The following RPTOR variants were observed in gnomAD, a reference collection of about 807,000 sequenced individuals.
RPTOR encodes regulatory-associated protein of mTOR.
Under a neutral mutation model 169.9 loss-of-function variants are expected in RPTOR, and 21 were observed. That is an observed-to-expected ratio of 0.12 (90% CI 0.09 to 0.18). The LOEUF is 0.18. Ranked by LOEUF, RPTOR falls within the 10% of genes least tolerant of loss-of-function variation. The pLI is 1.00. For synonymous variants in RPTOR, 732 were observed against 753.2 expected (o/e 0.97, Z 0.46); for missense variants, 1,133 against 1,855.9 (o/e 0.61, Z 7.16).
At chr17:80,868,578 T>C (rs1006264278) in intron 13 of RPTOR, among the ~76,000 whole-genome samples, 1 of 152,216 alleles carries the variant, frequency 6.6e-6, no homozygotes, top group East Asian at 1.9e-4. Flanking sequence ...CAGTTTCTTA[T>C]AAAGATTAGC....
chr17:80,921,997 G>A (rs750114466), intron 21 of RPTOR, among the ~76,000 whole-genome samples: 6 of 152,154 alleles, frequency 3.9e-5, no homozygotes, highest in African/African-American at 9.7e-5. Flanking sequence ...TCCAGGCCCC[G>A]TCACAGTCCA....
At chr17:80,699,505 C>T (rs1165400185) in intron 3 of RPTOR, among the ~76,000 whole-genome samples, 5 of 133,310 alleles carry the variant, frequency 3.8e-5, no homozygotes, top group East Asian at 2.3e-4. Context: ...GTGCTGTGCA[C>T]GGTACCCTGG....
chr17:80,903,741 A>C (rs1223637353), intron 20 of RPTOR, among the ~76,000 whole-genome samples: 2 of 152,140 alleles, frequency 1.3e-5, no homozygotes, highest in Non-Finnish European at 2.9e-5. Context: ...GACCCCCAGT[A>C]GTGAGTTCCG....
At chr17:80,589,053 G>T (rs887835981) in intron 1 of RPTOR, among the ~76,000 whole-genome samples, 5 of 152,114 alleles carry the variant, frequency 3.3e-5, no homozygotes, top group African/African-American at 9.7e-5. Flanking sequence ...CCTAACGAGG[G>T]TGACTGCCAG....
chr17:80,867,834 A>G (rs1312220769), intron 13 of RPTOR, among the ~76,000 whole-genome samples: 1 of 152,252 alleles, frequency 6.6e-6, no homozygotes, highest in Non-Finnish European at 1.5e-5. Context: ...TGTACACCAA[A>G]ACTACAAACC....
At chr17:80,741,598 A>G (rs559306298) in intron 5 of RPTOR, among the ~76,000 whole-genome samples, 129 of 152,212 alleles carry the variant, frequency 8.5e-4, no homozygotes, top group African/African-American at 2.8e-3. Context: ...TGCTCAGGCA[A>G]TGTGGGGTGT....
chr17:80,834,203 C>A (rs562726920), intron 9 of RPTOR, among the ~76,000 whole-genome samples: 1 of 152,200 alleles, frequency 6.6e-6, no homozygotes, highest in East Asian at 1.9e-4. Context: ...GGGCCCAGGC[C>A]GAGCTGTGGC....
chr17:80,871,522 G>A (rs370586759), intron 13 of RPTOR, among the ~76,000 whole-genome samples: 8 of 152,244 alleles, frequency 5.3e-5, no homozygotes, highest in Middle Eastern at 3.4e-3. Flanking sequence ...GAGCAGACCC[G>A]GCTGAGGTCA....
chr17:80,931,755 C>A (rs1211314304), intron 24 of RPTOR, among the ~76,000 whole-genome samples: 3 of 152,212 alleles, frequency 2.0e-5, no homozygotes, highest in Non-Finnish European at 4.4e-5. Context: ...CACCCTGAGA[C>A]CCAGAGACAC....
At chr17:80,945,172 A>G (rs935641000) in intron 25 of RPTOR, among the ~76,000 whole-genome samples, 1 of 152,084 alleles carries the variant, frequency 6.6e-6, no homozygotes, top group African/African-American at 2.4e-5. Flanking sequence ...GTGCGCGCCT[A>G]TGTCCCCAGC....
intron 3 of RPTOR, among the ~76,000 whole-genome samples, chr17:80,692,313 T>TGTTAC (rs2065999943): frequency 1.3e-5 from 2 of 151,134 alleles, no homozygotes; most frequent in Non-Finnish European, 3.0e-5. Context: ...TGTTATGTTA[T>TGTTAC]GTTATGTTAT....
chr17:80,740,777 T>A (rs1347740264), intron 5 of RPTOR, among the ~76,000 whole-genome samples: 1 of 152,206 alleles, frequency 6.6e-6, no homozygotes, highest in Admixed American at 6.5e-5. Context: ...TTTGATTTTT[T>A]AAAAAATCTG....
In RPTOR at chr17:80,670,294, G is replaced by A. The variant is rs146314572; in HGVS notation, c.348+26484G>A. ...TCCACTTAGTCACCAGGTCCTACCC[G>A]TCCCTTGTCCGTGTCGGGAATTTGC... On this transcript the variant is annotated intron_variant, in intron 3 of 33. Coordinates refer to ENST00000306801, the MANE Select transcript of RPTOR (RefSeq NM_020761.3). Among the ~76,000 whole-genome samples, 33 of 152,194 alleles carry A rather than the reference G, an allele frequency of 2.2e-4. 1 individual carries two copies. The highest frequency in any genetic ancestry group is 5.9e-5 in the Non-Finnish European group (4 of 68,008).
At position 80,893,695 on chromosome 17, in the gene RPTOR, C is replaced by T. The variant is rs779102650; in HGVS notation, c.2243-12C>T. 3 of 1,606,922 alleles carry T rather than the reference C, an allele frequency of 1.9e-6. No individual in the cohort carries two copies. The highest frequency in any genetic ancestry group is 3.4e-5 in the Admixed American group (2 of 59,320). On this transcript the variant is annotated splice_polypyrimidine_tract_variant and intron_variant, in intron 19 of 33. Transcript: ENST00000306801. ...CGGGAGCACCCCACTGACCCCGTTGCGTCTCGGGCAGCTGGTGGCGCGGTG... is the reference window on the plus strand; with the variant it reads ...CGGGAGCACCCCACTGACCCCGTTGTGTCTCGGGCAGCTGGTGGCGCGGTG...
intron 7 of RPTOR, among the ~76,000 whole-genome samples, chr17:80,797,406 C>T (rs1263101851): frequency 6.6e-6 from 1 of 152,226 alleles, no homozygotes; most frequent in African/African-American, 2.4e-5. Flanking sequence ...CCTCGGTCTC[C>T]CAAAGTGCTG....
chr17:80,696,290 T>C (rs1213728275), intron 3 of RPTOR, among the ~76,000 whole-genome samples: 2 of 152,184 alleles, frequency 1.3e-5, no homozygotes, highest in Admixed American at 1.3e-4. Context: ...TTATGAAATA[T>C]TGAAAACATT....
chr17:80,883,859 G>A lies in RPTOR; in HGVS notation c.1729G>A (p.Val577Met), dbSNP rs1190646605. The A allele has an allele frequency of 1.2e-6, 2 of 1,613,640 alleles. No homozygotes were observed. The highest frequency in any genetic ancestry group is 1.7e-6 in the Non-Finnish European group (2 of 1,180,038). Residue 577 changes from valine (V) to methionine (M), a missense_variant, in exon 16 of 34, where the codon GTG becomes ATG. Val to Met is a conservative substitution (Grantham distance 21). Transcript: ENST00000306801. ...CCCGCACCCCTTGCTGCGCCAGTGGGTGGCCATCTGCCTCGGCAGGATCTG... is the reference window on the plus strand; with the variant it reads ...CCCGCACCCCTTGCTGCGCCAGTGGATGGCCATCTGCCTCGGCAGGATCTG... ...NDPHPLLRQWVAICLGRIWQN... is the reference protein window; with the variant it reads ...NDPHPLLRQWMAICLGRIWQN...
At chr17:80,811,809 C>T (rs2067276020) in intron 7 of RPTOR, among the ~76,000 whole-genome samples, 1 of 146,608 alleles carries the variant, frequency 6.8e-6, no homozygotes, top group African/African-American at 2.5e-5. Context: ...AACCTCACTC[C>T]ACCGGTGGGA....
chr17:80,702,945 T>C (rs2066113458), intron 3 of RPTOR, among the ~76,000 whole-genome samples: 1 of 152,124 alleles, frequency 6.6e-6, no homozygotes, highest in Non-Finnish European at 1.5e-5. Flanking sequence ...AGCAGTAATG[T>C]AATAAGTGAG....
Sources: allele counts gnomAD v4.1 joint callset (sites outside exome capture counted in the v4.1 genomes callset), GRCh38; gene constraint gnomAD v4.1.1; transcripts MANE v1.5; gene names NCBI Gene and HGNC (gene_info 2026-07-23, HGNC 2026-07-21).